Variants in IL16 observed in about 807,000 individuals in gnomAD.
IL16 encodes interleukin 16, also known as pro-interleukin-16.
A neutral mutation model predicts 110.1 loss-of-function variants in IL16; 67 were observed. The observed-to-expected ratio is 0.61, with a 90% confidence interval of 0.50 to 0.75. The LOEUF (loss-of-function observed/expected upper bound fraction) is 0.75. Ranked by LOEUF, IL16 falls within the 30% of genes least tolerant of loss-of-function variation. IL16 has a pLI of 0.00. For missense variants in IL16, 1,545 were observed against 1,655.0 expected (o/e 0.93, Z 1.15); for synonymous variants, 689 against 662.9 (o/e 1.04, Z -0.61).
chr15:81,235,648 A>G (rs1257034957), intron 2 of IL16, among the ~76,000 whole-genome samples: 1 of 152,170 alleles, frequency 6.6e-6, no homozygotes, highest in Non-Finnish European at 1.5e-5. Flanking sequence ...ATTTCTCTCC[A>G]GTTGAATGTG....
At chr15:81,196,525 AC>A (rs1441996390), upstream of IL16, among the ~76,000 whole-genome samples, 1 of 152,212 alleles carries the variant, frequency 6.6e-6, no homozygotes, top group African/African-American at 2.4e-5. Context: ...GATTATAGGC[AC>A]GTGCCACAGC....
chr15:81,301,379 C>A lies in IL16; in HGVS notation c.3185C>A (p.Thr1062Lys), dbSNP rs149220649. 10 of 1,613,426 alleles carry A rather than the reference C, an allele frequency of 6.2e-6. No individual in the cohort carries two copies. The highest frequency in any genetic ancestry group is 8.5e-6 in the Non-Finnish European group (10 of 1,179,818). ...SELREYTEGL[T>K]EAKEDDDGDH... ...CTGAGAGAATATACAGAGGGTCTCACGGAAGCCAAGGAAGACGATGATGGG... is the reference window on the plus strand; with the variant it reads ...CTGAGAGAATATACAGAGGGTCTCAAGGAAGCCAAGGAAGACGATGATGGG... The change falls in exon 15 of 19, where the codon ACG (threonine) becomes AAG (lysine). Residue 1062 changes from threonine to lysine, a missense_variant. Coordinates refer to ENST00000683961, the MANE Select transcript of IL16 (RefSeq NM_172217.5).
At chr15:81,217,445 A>G (rs549329001) in intron 1 of IL16, among the ~76,000 whole-genome samples, 4 of 152,326 alleles carry the variant, frequency 2.6e-5, no homozygotes, top group South Asian at 4.1e-4. Context: ...GGATGCCAGG[A>G]CCAAAAAATT....
intron 16 of IL16, among the ~76,000 whole-genome samples, chr15:81,304,306 C>A (rs17875580): frequency 4.1e-4 from 63 of 152,122 alleles, no homozygotes; most frequent in Non-Finnish European, 7.6e-4. Flanking sequence ...GATTCCTGAC[C>A]GTGTAGTTTA....
intron 11 of IL16, among the ~76,000 whole-genome samples, chr15:81,291,362 A>T (rs1309584844): frequency 6.6e-6 from 1 of 152,254 alleles, no homozygotes; most frequent in Admixed American, 6.5e-5. Context: ...GGCTGATAGG[A>T]ACACAGGTGA....
chr15:81,287,977 C>G (rs79837744), intron 10 of IL16, among the ~76,000 whole-genome samples: 224 of 152,248 alleles, frequency 1.5e-3, no homozygotes, highest in African/African-American at 5.1e-3. Flanking sequence ...TGGAGTAGGG[C>G]GTCAGGTTGT....
At chr15:81,304,985 T>C (rs1288842892) in intron 16 of IL16, among the ~76,000 whole-genome samples, 1 of 152,212 alleles carries the variant, frequency 6.6e-6, no homozygotes, top group African/African-American at 2.4e-5. Context: ...TTTTGTGTGT[T>C]TGTTTATCCC....
At chr15:81,261,663 G>A (rs1273097016) in intron 3 of IL16, among the ~76,000 whole-genome samples, 3 of 151,992 alleles carry the variant, frequency 2.0e-5, no homozygotes, top group Admixed American at 2.0e-4. Context: ...TTTCTAACCC[G>A]GCCCACCCCT....
chr15:81,263,981 A>T (rs1367532684), intron 3 of IL16, among the ~76,000 whole-genome samples: 2 of 152,214 alleles, frequency 1.3e-5, no homozygotes, highest in Admixed American at 1.3e-4. Flanking sequence ...CACCTGCATC[A>T]TCTGCACAGG....
chr15:81,306,190 A>G (rs769590917), intron 17 of IL16, 24 bp downstream of exon 17: 8 of 1,607,918 alleles, frequency 5.0e-6, no homozygotes, highest in Non-Finnish European at 6.8e-6. Flanking sequence ...ACTCAGTGGA[A>G]GCCACATGGG....
intron 1 of IL16, among the ~76,000 whole-genome samples, chr15:81,200,666 T>C (rs1481683285): frequency 6.6e-6 from 1 of 152,218 alleles, no homozygotes; most frequent in Non-Finnish European, 1.5e-5. Context: ...CCACCATGCC[T>C]AGCCTAGGTC....
rs186900402 is a variant in IL16 at position 81,199,382 on chromosome 15, C to T, written c.-102+2230C>T. 1.8e-3 allele frequency among the ~76,000 whole-genome samples: 281 copies of T among 152,230 alleles called. 1 individual carries two copies. The highest frequency in any genetic ancestry group is 5.4e-3 in the South Asian group (26 of 4,812). On this transcript the variant is annotated intron_variant, in intron 1 of 18. Transcript: ENST00000683961. ...CACTGAGAAGTCTCAGTGGATGTCT[C>T]AGGTGGATGTGAAGGACGTTGGGTG...
At chr15:81,203,802 C>T (rs967832462) in intron 1 of IL16, among the ~76,000 whole-genome samples, 137 of 152,188 alleles carry the variant, frequency 9.0e-4, no homozygotes, top group Non-Finnish European at 1.5e-3. Context: ...CTTGGCAATG[C>T]GGGCTCTTTT....
intron 6 of IL16, among the ~76,000 whole-genome samples, chr15:81,278,378 A>G (rs556015748): frequency 6.6e-6 from 1 of 152,324 alleles, no homozygotes; most frequent in East Asian, 1.9e-4. Flanking sequence ...AAGATTAAGA[A>G]GGGATAGGAG....
At position 81,292,587 on chromosome 15, in the gene IL16, G is replaced by A. The variant is rs778239472; in HGVS notation, c.1452G>A (p.Gly484=). 1.2e-6 allele frequency: 2 copies of A among 1,605,664 alleles called. No individual in the cohort carries two copies. The highest frequency in any genetic ancestry group is 1.3e-5 in the African/African-American group (1 of 74,788). The change falls in exon 12 of 19, where the codon GGG becomes GGA. Residue 484 remains glycine (G), a synonymous_variant. Coordinates refer to ENST00000683961, the MANE Select transcript of IL16 (RefSeq NM_172217.5). Reference sequence around the variant, plus strand: ...AAAGGCTGGAAAGCAGTTGGCACGGGCGGCCCACCTTGGAGAAGGAACGAG... The same window carrying A: ...AAAGGCTGGAAAGCAGTTGGCACGGACGGCCCACCTTGGAGAAGGAACGAG... ...GVKRLESSWH[G]RPTLEKEREK...
intron 16 of IL16, 51 bp from the exon 17 acceptor site, chr15:81,305,856 TG>T: frequency 6.3e-7 from 1 of 1,591,710 alleles, no homozygotes; most frequent in Non-Finnish European, 8.6e-7. Context: ...CCAGCAAGTA[TG>T]TGGACTGGAC....
At chr15:81,293,626 G>C (rs1483579726) in intron 12 of IL16, among the ~76,000 whole-genome samples, 1 of 152,140 alleles carries the variant, frequency 6.6e-6, no homozygotes, top group Non-Finnish European at 1.5e-5. Flanking sequence ...CTTAAACCCG[G>C]GAGGAGTGGC....
chr15:81,273,864 G>A (rs1898771643), intron 6 of IL16, among the ~76,000 whole-genome samples: 1 of 151,592 alleles, frequency 6.6e-6, no homozygotes, highest in African/African-American at 2.4e-5. Context: ...CATCCATCCT[G>A]GGAGTGAGGG....
intron 2 of IL16, among the ~76,000 whole-genome samples, chr15:81,235,527 C>T (rs1041756050): frequency 3.9e-5 from 6 of 152,154 alleles, no homozygotes; most frequent in African/African-American, 1.4e-4. Flanking sequence ...CTAGGCCCCC[C>T]CTCCAACACT....
Sources: gnomAD v4.1 joint callset for allele counts (sites outside exome capture counted in the v4.1 genomes callset) on GRCh38, gnomAD v4.1.1 for gene constraint, MANE v1.5 for transcripts, NCBI Gene and HGNC (gene_info 2026-07-23, HGNC 2026-07-21) for gene names.